Variants in ANKS1B observed in about 807,000 individuals in gnomAD.
The protein encoded by ANKS1B is ankyrin repeat and sterile alpha motif domain containing 1B, also known as ankyrin repeat and sterile alpha motif domain-containing protein 1B.
In ANKS1B, 36 loss-of-function variants were observed where a neutral mutation model predicts 148.3. That is an observed-to-expected ratio of 0.24 (90% CI 0.19 to 0.32). The LOEUF (loss-of-function observed/expected upper bound fraction) is 0.32. Among genes scored for constraint, ANKS1B ranks in the 10% least tolerant of loss-of-function variants. The pLI is 1.00. For missense variants in ANKS1B, 1,157 were observed against 1,542.6 expected, an observed-to-expected ratio of 0.75 and a Z score of 4.19; for synonymous variants, 542 against 560.8, an observed-to-expected ratio of 0.97 and a Z score of 0.47.
At chr12:98,963,474 G>A (rs1028907024) in intron 17 of ANKS1B, among the ~76,000 whole-genome samples, 1 of 151,764 alleles carries the variant, frequency 6.6e-6, no homozygotes, top group Non-Finnish European at 1.5e-5. Context: ...TACTGTGCCC[G>A]GCCAAAAAAA....
chr12:99,971,420 C>T (rs2095556633), intron 1 of ANKS1B, among the ~76,000 whole-genome samples: 1 of 152,096 alleles, frequency 6.6e-6, no homozygotes, highest in Non-Finnish European at 1.5e-5. Context: ...GCCATCTCCG[C>T]ACTAGCAGTA....
intron 1 of ANKS1B, 29 bp downstream of exon 1, chr12:99,984,075 C>A: frequency 1.3e-6 from 2 of 1,592,994 alleles, no homozygotes; most frequent in Non-Finnish European, 1.7e-6. Context: ...ATGAGGTGTG[C>A]CAACCCCGGA....
chr12:99,327,506 G>C (rs1367656260), intron 12 of ANKS1B, among the ~76,000 whole-genome samples: 1 of 137,574 alleles, frequency 7.3e-6, no homozygotes, highest in East Asian at 2.0e-4. Flanking sequence ...TAAAATCTAG[G>C]TTTGTATACA....
intron 12 of ANKS1B, among the ~76,000 whole-genome samples, chr12:99,262,883 G>A (rs545115063): frequency 1.9e-4 from 29 of 151,940 alleles, no homozygotes; most frequent in Non-Finnish European, 4.1e-4. Context: ...GTGTGTGTGA[G>A]TTTTTGTTAG....
chr12:99,603,710 A>T (rs1050529046), intron 9 of ANKS1B, among the ~76,000 whole-genome samples: 3 of 152,192 alleles, frequency 2.0e-5, no homozygotes, highest in African/African-American at 7.2e-5. Flanking sequence ...TTACAAAGTT[A>T]TACTTTACCA....
intron 8 of ANKS1B, among the ~76,000 whole-genome samples, chr12:99,694,668 A>G (rs2053631839): frequency 6.6e-6 from 1 of 152,186 alleles, no homozygotes; most frequent in African/African-American, 2.4e-5. Flanking sequence ...GTGAAACATA[A>G]AGTAACAATT....
At chr12:98,970,168 T>G (rs2099881994) in intron 17 of ANKS1B, among the ~76,000 whole-genome samples, 1 of 152,244 alleles carries the variant, frequency 6.6e-6, no homozygotes, top group Non-Finnish European at 1.5e-5. Context: ...ATTTTTCATT[T>G]CCTTATACAA....
chr12:99,340,371 T>C (rs1271428457), intron 12 of ANKS1B, among the ~76,000 whole-genome samples: 1 of 152,134 alleles, frequency 6.6e-6, no homozygotes, highest in Non-Finnish European at 1.5e-5. Flanking sequence ...TACTAGTTTC[T>C]CTTGGCCTCA....
chr12:99,606,386 T>C (rs1450252037), intron 9 of ANKS1B, among the ~76,000 whole-genome samples: 1 of 152,012 alleles, frequency 6.6e-6, no homozygotes, highest in Admixed American at 6.6e-5. Flanking sequence ...AGTATTTTAA[T>C]TACATGTATT....
At chr12:98,859,779 A>G (rs968149907) in intron 17 of ANKS1B, among the ~76,000 whole-genome samples, 4 of 152,222 alleles carry the variant, frequency 2.6e-5, no homozygotes, top group African/African-American at 9.6e-5. Flanking sequence ...TCTTAAGATC[A>G]CTGTAAGCAA....
intron 17 of ANKS1B, among the ~76,000 whole-genome samples, chr12:98,869,546 C>T (rs1418948697): frequency 6.6e-6 from 1 of 152,080 alleles, no homozygotes; most frequent in South Asian, 2.1e-4. Context: ...ATTAAAGTAA[C>T]TAAAATCCTG....
chr12:98,999,241 C>T lies in ANKS1B; in HGVS notation c.2778+53916G>A, dbSNP rs76411595. Among the ~76,000 whole-genome samples, 371 of 152,168 alleles carry T rather than the reference C, an allele frequency of 2.4e-3. 2 individuals carry two copies. The highest frequency in any genetic ancestry group is 0.01 in the Middle Eastern group (3 of 294). On this transcript the variant is annotated intron_variant, in intron 17 of 26. Transcript: ENST00000683438. ...CTGCATTCATGGCAGAGTCAACTTT[C>T]GGTGAGCAAGACTAGGGAACTCTGC...
chr12:99,361,806 G>C (rs1448684680), intron 12 of ANKS1B, among the ~76,000 whole-genome samples: 1 of 151,928 alleles, frequency 6.6e-6, no homozygotes, highest in South Asian at 2.1e-4. Flanking sequence ...AGCACACTGG[G>C]GGTGGGGGAA....
At chr12:99,770,206 G>A (rs547455445) in intron 8 of ANKS1B, among the ~76,000 whole-genome samples, 1 of 152,264 alleles carries the variant, frequency 6.6e-6, no homozygotes, top group Admixed American at 6.5e-5. Flanking sequence ...AAGCATTAGA[G>A]TAGCAAATAG....
In ANKS1B at chr12:98,832,235, A is replaced by G. The variant is rs949503831; in HGVS notation, c.2779-99T>C. Reference sequence around the variant, plus strand: ...GGTGAAAAAAGATTTGTGCAAAGTTACTCCTGCACCATGAGATGTGGTGTC... The same window carrying G: ...GGTGAAAAAAGATTTGTGCAAAGTTGCTCCTGCACCATGAGATGTGGTGTC... On this transcript the variant is annotated intron_variant, in intron 17 of 26. Transcript: ENST00000683438. 17 of 912,360 alleles carry G rather than the reference A, an allele frequency of 1.9e-5. No individual in the cohort carries two copies. In the Admixed American group the frequency reaches 4.4e-4, roughly 24 times the overall value. 56.5% of individuals were successfully genotyped at this position (912,360 alleles called of 1,614,324 possible).
chr12:99,890,223 C>T (rs1177599040), intron 1 of ANKS1B, among the ~76,000 whole-genome samples: 1 of 152,156 alleles, frequency 6.6e-6, no homozygotes, highest in Non-Finnish European at 1.5e-5. Flanking sequence ...CTCCATGTTG[C>T]TGTGAGGGTA....
chr12:99,179,758 G>A (rs1419381979), intron 14 of ANKS1B, among the ~76,000 whole-genome samples: 1 of 152,160 alleles, frequency 6.6e-6, no homozygotes, highest in Non-Finnish European at 1.5e-5. Flanking sequence ...TAATAGGGTT[G>A]TTGACAGATT....
intron 22 of ANKS1B, among the ~76,000 whole-genome samples, chr12:98,796,321 T>A (rs1593971940): frequency 6.6e-6 from 1 of 152,322 alleles, no homozygotes; most frequent in African/African-American, 2.4e-5. Context: ...CAGGTAACTC[T>A]TAATCTACAA....
chr12:99,422,790 G>C (rs60096787), intron 11 of ANKS1B, among the ~76,000 whole-genome samples: 11,662 of 152,140 alleles, frequency 0.077, 1,220 homozygotes, highest in African/African-American at 0.22. Flanking sequence ...ACATTAAAAT[G>C]CTGATGGAAA....
Sources: allele counts gnomAD v4.1 joint callset (sites outside exome capture counted in the v4.1 genomes callset), GRCh38; gene constraint gnomAD v4.1.1; transcripts MANE v1.5; gene names NCBI Gene and HGNC (gene_info 2026-07-23, HGNC 2026-07-21).